The following TUBG2 variants were observed in gnomAD, a reference collection of about 807,000 sequenced individuals.
TUBG2 encodes tubulin gamma-2 chain.
A neutral mutation model predicts 55.1 loss-of-function variants in TUBG2; 39 were observed. The ratio of observed to expected loss-of-function variants is 0.71; its 90% CI spans 0.55 to 0.93. The LOEUF (loss-of-function observed/expected upper bound fraction) is 0.93, where lower values mean the gene tolerates loss of function less well. Among genes scored for constraint, TUBG2 ranks in the 40% least tolerant of loss-of-function variants. The pLI is 0.00. For missense variants in TUBG2, 358 were observed against 599.1 expected (o/e 0.60, Z 4.20); for synonymous variants, 223 against 241.0 (o/e 0.93, Z 0.69).
At chr17:42,660,614 C>T (rs1241354339) in intron 3 of TUBG2, 25 bp from the exon 4 acceptor site, 2 of 1,608,018 alleles carry the variant, frequency 1.2e-6, no homozygotes, top group East Asian at 4.5e-5. Flanking sequence ...TTGGCCTGAC[C>T]CTCCCTTTCC....
chr17:42,665,718 AC>A lies in TUBG2; in HGVS notation c.738del (p.Gly247AlafsTer3), dbSNP rs780176927. The A allele has an allele frequency of 7.4e-6, 12 of 1,613,840 alleles. No individual in the cohort carries two copies. The highest frequency in any genetic ancestry group is 9.3e-6 in the Non-Finnish European group (11 of 1,179,942). Reference sequence around the variant, plus strand: ...TCGGCCAGCACCACCACCCTGCGCTACCCCGGCTACATGAACAATGACCTCA... The same window carrying A: ...TCGGCCAGCACCACCACCCTGCGCTACCCGGCTACATGAACAATGACCTCA... ...IMSASTTTLR[Y>X]PGYMNNDLIG... is the part of the protein sequence containing the mutation. On this transcript the variant is annotated frameshift_variant, in exon 8 of 11. Coordinates refer to ENST00000251412, the MANE Select transcript of TUBG2 (RefSeq NM_016437.3). LOFTEE classifies it high-confidence loss of function.
chr17:42,662,784 A>C lies in TUBG2; in HGVS notation c.400-189A>C, dbSNP rs140782844. 2.0e-4 allele frequency among the ~76,000 whole-genome samples: 30 copies of C among 152,318 alleles called. No individual in the cohort carries two copies. In the East Asian group the frequency reaches 5.8e-3, roughly 29 times the overall value. On this transcript the variant is annotated intron_variant, in intron 4 of 10. Coordinates refer to ENST00000251412, the MANE Select transcript of TUBG2 (RefSeq NM_016437.3). ...AAGCCAAAACATCTTAAATTAAACC[A>C]TCCTAAGTCAGGGACAGTCTGTAGG...
chr17:42,659,679 C>T, intron 1 of TUBG2, 127 bp downstream of exon 1: 1 of 1,371,852 alleles, frequency 7.3e-7, no homozygotes, highest in African/African-American at 1.5e-5. Flanking sequence ...CTGGATAACC[C>T]AGACCGAGAG....
intron 7 of TUBG2, 48 bp from the exon 8 acceptor site, chr17:42,665,629 GA>G (rs1213729954): frequency 6.2e-7 from 1 of 1,613,988 alleles, no homozygotes; most frequent in Non-Finnish European, 8.5e-7. Flanking sequence ...TCTGGGGAAG[GA>G]AGGTCCCACC....
chr17:42,666,843 A>G lies in TUBG2; in HGVS notation c.*43A>G. The G allele has an allele frequency of 1.2e-6, 2 of 1,607,390 alleles. No individual in the cohort carries two copies. The highest frequency in any genetic ancestry group is 1.1e-5 in the South Asian group (1 of 90,700). ...CCTTCTCCTTCTAGATGGTAACCACAGCCTCGACCATGCCTGCTCCCTCTG... is the reference window on the plus strand; with the variant it reads ...CCTTCTCCTTCTAGATGGTAACCACGGCCTCGACCATGCCTGCTCCCTCTG... On this transcript the variant is annotated 3_prime_UTR_variant, in exon 11 of 11. Coordinates refer to ENST00000251412, the MANE Select transcript of TUBG2 (RefSeq NM_016437.3).
rs139314936 is a variant in TUBG2 at position 42,660,686 on chromosome 17, A to C, written c.378A>C (p.Ala126=). The change falls in exon 4 of 11, where the codon GCA becomes GCC. Residue 126 remains alanine, a synonymous_variant. Transcript: ENST00000251412. ...TCTTTGACATCATAGACCGAGAAGC[A>C]GATGGAAGTGACAGTTTGGAGGTGA... is the stretch of plus-strand genomic sequence containing the variant. ...EDIFDIIDRE[A]DGSDSLEGFV... is the part of the protein sequence containing the mutation. 156 of 1,614,184 alleles carry C rather than the reference A, an allele frequency of 9.7e-5. 1 individual carries two copies. The African/African-American group carries it at 1.8e-3, about 19-fold the overall frequency.
chr17:42,666,708 G>T lies in TUBG2; in HGVS notation c.1264G>T (p.Asp422Tyr). The change falls in exon 11 of 11, where the codon GAC becomes TAC. Residue 422 changes from aspartate to tyrosine, a missense_variant. Physicochemically the swap from Asp to Tyr is radical, Grantham distance 160. Coordinates refer to ENST00000251412, the MANE Select transcript of TUBG2 (RefSeq NM_016437.3). ...DMFKDNFDEM[D>Y]RSREVVQELI... ...GTTCAAGGACAACTTTGATGAGATG[G>T]ACAGGTCTAGGGAGGTTGTTCAGGA... 1 of 1,614,164 alleles carries T rather than the reference G, an allele frequency of 6.2e-7. No homozygotes were observed. Among genetic ancestry groups the T allele is most frequent in the South Asian group, 1.1e-5 (1 of 91,072 alleles).
At position 42,665,502 on chromosome 17, in the gene TUBG2, C is replaced by T. The variant is rs1243687894; in HGVS notation, c.633C>T (p.Asn211=). Residue 211 remains asparagine (N), a synonymous_variant, in exon 7 of 11, where the codon AAC becomes AAT. Coordinates refer to ENST00000251412, the MANE Select transcript of TUBG2 (RefSeq NM_016437.3). ...CVVVLDNTAL[N]RIATDRLHIQ... ...TGGTGCTGGACAACACAGCCCTGAACCGGATTGCCACAGACCGCCTGCACA... is the reference window on the plus strand; with the variant it reads ...TGGTGCTGGACAACACAGCCCTGAATCGGATTGCCACAGACCGCCTGCACA... The T allele has an allele frequency of 6.2e-7, 1 of 1,614,178 alleles. No homozygotes were observed. The highest frequency in any genetic ancestry group is 1.1e-5 in the South Asian group (1 of 91,084).
At position 42,666,246 on chromosome 17, in the gene TUBG2, G is replaced by A. The variant is rs1171805359; in HGVS notation, c.996+7G>A. 1.2e-6 allele frequency: 2 copies of A among 1,614,008 alleles called. No homozygotes were observed. Among genetic ancestry groups the A allele is most frequent in the Non-Finnish European group, 8.5e-7 (1 of 1,179,894 alleles). On this transcript the variant is annotated splice_region_variant and intron_variant, in intron 9 of 10. Transcript: ENST00000251412. ...AGAGGTGGACCCCACCCAGGTAGGG[G>A]AGGCCCCTTCATCCCGCGCCCTGGA...
In TUBG2 at chr17:42,659,827, C is replaced by T. The variant is rs746239335; in HGVS notation, c.50-7C>T. ...CAGCAGACCCGGGCATCTCCCCCCT[C>T]CCCCAGTTGGGTTCGAGTTCTGGAA... On this transcript the variant is annotated splice_region_variant and splice_polypyrimidine_tract_variant and intron_variant, in intron 1 of 10. Transcript: ENST00000251412. 1.5e-5 allele frequency: 25 copies of T among 1,614,066 alleles called. No individual in the cohort carries two copies. In the South Asian group the frequency reaches 2.6e-4, roughly 17 times the overall value.
intron 4 of TUBG2, among the ~76,000 whole-genome samples, chr17:42,662,360 CTT>C (rs1420491527): frequency 6.6e-6 from 1 of 152,128 alleles, no homozygotes; most frequent in Non-Finnish European, 1.5e-5. Flanking sequence ...AATCCCAACA[CTT>C]TGGCAGGCCG....
Position 42,666,715 on chromosome 17 carries a change from C to G in TUBG2, c.1271C>G (p.Ser424Cys). ...FKDNFDEMDR[S>C]REVVQELIDE... ...GACAACTTTGATGAGATGGACAGGT[C>G]TAGGGAGGTTGTTCAGGAGCTCATT... is the stretch of plus-strand genomic sequence containing the variant. The change falls in exon 11 of 11, where the codon TCT becomes TGT. Residue 424 changes from serine to cysteine, a missense_variant. By Grantham distance (112) the Ser-to-Cys change is moderately radical. Coordinates refer to ENST00000251412, the MANE Select transcript of TUBG2 (RefSeq NM_016437.3). The G allele has an allele frequency of 6.2e-7, 1 of 1,614,146 alleles. No homozygotes were observed. The highest frequency in any genetic ancestry group is 8.5e-7 in the Non-Finnish European group (1 of 1,180,016).
rs1158050401 is a variant in TUBG2 at position 42,666,209 on chromosome 17, C to A, written c.966C>A (p.Asn322Lys). 1 of 1,613,872 alleles carries A rather than the reference C, an allele frequency of 6.2e-7. No homozygotes were observed. ...QTNHCYIAILNIIQGEVDPTQ... is the reference protein window; with the variant it reads ...QTNHCYIAILKIIQGEVDPTQ... Reference sequence around the variant, plus strand: ...ACCACTGCTACATCGCCATCCTCAACATCATCCAGGGAGAGGTGGACCCCA... The same window carrying A: ...ACCACTGCTACATCGCCATCCTCAAAATCATCCAGGGAGAGGTGGACCCCA... Residue 322 changes from asparagine (N) to lysine (K), a missense_variant, in exon 9 of 11, where the codon AAC becomes AAA. By Grantham distance (94) the Asn-to-Lys change is moderately conservative (BLOSUM62 0). This residue lies in a region of TUBG2 where 129 missense variants were observed against 251.6 expected (regional missense o/e 0.51). Transcript: ENST00000251412.
rs375295846 is a variant in TUBG2 at position 42,665,809 on chromosome 17, G to A, written c.825G>A (p.Pro275=). The A allele has an allele frequency of 3.2e-5, 52 of 1,613,980 alleles. No homozygotes were observed. Among genetic ancestry groups the A allele is most frequent in the African/African-American group, 8.0e-5 (6 of 74,886 alleles). ...ACTTCCTCATGACCGGCTACACCCC[G>A]CTCACTACAGACCAGTCAGTAAGAG... is the stretch of plus-strand genomic sequence containing the variant. ...RLHFLMTGYT[P]LTTDQSVASV... Residue 275 remains proline, a synonymous_variant, in exon 8 of 11, where the codon CCG becomes CCA. Transcript: ENST00000251412.
Position 42,660,638 on chromosome 17 carries a change from G to C in TUBG2, c.331-1G>C. 6.2e-7 allele frequency: 1 copy of C among 1,613,988 alleles called. No individual in the cohort carries two copies. Among genetic ancestry groups the C allele is most frequent in the Non-Finnish European group, 8.5e-7 (1 of 1,179,888 alleles). On this transcript the variant is annotated splice_acceptor_variant, in intron 3 of 10. Coordinates refer to ENST00000251412, the MANE Select transcript of TUBG2 (RefSeq NM_016437.3). LOFTEE classifies it high-confidence loss of function. ...CCCTCCCTTTCCATATCTCTATACA[G>C]GGTGAGAAAATTCATGAAGACATCT...
At position 42,666,825 on chromosome 17, in the gene TUBG2, C is replaced by A. The variant is rs1383504162; in HGVS notation, c.*25C>A. The A allele has an allele frequency of 1.4e-5, 22 of 1,612,922 alleles. No individual in the cohort carries two copies. Among genetic ancestry groups the A allele is most frequent in the Non-Finnish European group, 1.9e-5 (22 of 1,179,214 alleles). On this transcript the variant is annotated 3_prime_UTR_variant, in exon 11 of 11. Coordinates refer to ENST00000251412, the MANE Select transcript of TUBG2 (RefSeq NM_016437.3). ...ATTTCCCTCCCCACTACTCCTTCTC[C>A]TTCTAGATGGTAACCACAGCCTCGA...
In TUBG2 at chr17:42,666,630, G is replaced by T; in HGVS notation, c.1186G>T (p.Asp396Tyr). 1 of 1,614,210 alleles carries T rather than the reference G, an allele frequency of 6.2e-7. No individual in the cohort carries two copies. Among genetic ancestry groups the T allele is most frequent in the South Asian group, 1.1e-5 (1 of 91,078 alleles). The stretch of plus-strand genomic sequence containing the variant: ...CTTTGAAAGTTCCTGCCAGCAGTTT[G>T]ACAAGCTGCGGAAGCGGGATGCCTT... ...SLFESSCQQFDKLRKRDAFLE... is the reference protein window; with the variant it reads ...SLFESSCQQFYKLRKRDAFLE... The change falls in exon 11 of 11, where the codon GAC (aspartate) becomes TAC (tyrosine). Residue 396 changes from aspartate to tyrosine, a missense_variant. This residue lies in a region of TUBG2 where 129 missense variants were observed against 251.6 expected (regional missense o/e 0.51). Coordinates refer to ENST00000251412, the MANE Select transcript of TUBG2 (RefSeq NM_016437.3).
In TUBG2 at chr17:42,664,862, A is replaced by ATATATATG. The variant is rs1555635441; in HGVS notation, c.607-607_607-606insGTATATAT. 1.7e-3 allele frequency among the ~76,000 whole-genome samples: 244 copies of ATATATATG among 144,810 alleles called. 1 individual carries two copies. Among genetic ancestry groups the ATATATATG allele is most frequent in the South Asian group, 9.0e-3 (42 of 4,656 alleles). On this transcript the variant is annotated intron_variant, in intron 6 of 10. Coordinates refer to ENST00000251412, the MANE Select transcript of TUBG2 (RefSeq NM_016437.3). ...ATTTTTTATTTATATTTATATATAT[A>ATATATATG]TATATATATTATATATATTTATACT...
At chr17:42,662,620 T>C (rs558174542) in intron 4 of TUBG2, among the ~76,000 whole-genome samples, 45 of 150,508 alleles carry the variant, frequency 3.0e-4, no homozygotes, top group African/African-American at 8.8e-4. Flanking sequence ...AAAAAAAAAA[T>C]TGAAAATACC....
Sources: gnomAD v4.1 joint callset for allele counts (sites outside exome capture counted in the v4.1 genomes callset) on GRCh38, gnomAD v4.1.1 for gene constraint, gnomAD v4.1.1 regional missense constraint, MANE v1.5 for transcripts, NCBI Gene and HGNC (gene_info 2026-07-23, HGNC 2026-07-21) for gene names.